The following ATP8B4 variants were observed in gnomAD, a reference collection of about 807,000 sequenced individuals.
The protein encoded by ATP8B4 is probable phospholipid-transporting ATPase IM.
In ATP8B4, 133 loss-of-function variants were observed where a neutral mutation model predicts 145.6. The observed-to-expected ratio is 0.91, with a 90% confidence interval of 0.79 to 1.05. The LOEUF is 1.05. Ranked by LOEUF, ATP8B4 falls within the 50% of genes least tolerant of loss-of-function variation. ATP8B4 has a pLI of 0.00. For synonymous variants in ATP8B4, 507 were observed against 492.9 expected, an observed-to-expected ratio of 1.03 and a Z score of -0.38; for missense variants, 1,458 against 1,425.2, an observed-to-expected ratio of 1.02 and a Z score of -0.37.
In ATP8B4 at chr15:49,879,434, G is replaced by T; in HGVS notation, c.2723C>A (p.Thr908Asn). ...AQTVYDQWFI[T>N]LFNIVYTSLP... ...TGATGTGTAAACAATGTTAAAAAGG[G>T]TGATGAACCACTGGTCATAAACAGT... is the stretch of plus-strand genomic sequence containing the variant. Residue 908 changes from threonine (T) to asparagine (N), a missense_variant, in exon 24 of 28, where the codon ACC becomes AAC. Coordinates refer to ENST00000284509, the MANE Select transcript of ATP8B4 (RefSeq NM_024837.4). 1 of 1,612,032 alleles carries T rather than the reference G, an allele frequency of 6.2e-7. No individual in the cohort carries two copies. The highest frequency in any genetic ancestry group is 8.5e-7 in the Non-Finnish European group (1 of 1,178,632).
chr15:49,928,914 G>A (rs569636145), intron 16 of ATP8B4, among the ~76,000 whole-genome samples: 37 of 152,154 alleles, frequency 2.4e-4, no homozygotes, highest in Non-Finnish European at 4.1e-4. Context: ...TAGTATTTGA[G>A]GATCTATTAG....
At chr15:49,866,711 T>C (rs2032855265) in intron 25 of ATP8B4, among the ~76,000 whole-genome samples, 1 of 152,234 alleles carries the variant, frequency 6.6e-6, no homozygotes, top group Non-Finnish European at 1.5e-5. Context: ...AGCCATTATA[T>C]CTGCCAAGGT....
chr15:49,909,696 T>C (rs79120805), intron 20 of ATP8B4, among the ~76,000 whole-genome samples: 4,348 of 120,946 alleles, frequency 0.036, 93 homozygotes, highest in Middle Eastern at 0.12. Context: ...ACTGAGGAAG[T>C]CACAGACACC....
At chr15:50,029,973 G>A (rs996104592) in intron 6 of ATP8B4, among the ~76,000 whole-genome samples, 2 of 152,128 alleles carry the variant, frequency 1.3e-5, no homozygotes, top group African/African-American at 2.4e-5. Flanking sequence ...AAATTTGCTG[G>A]GAGGAAAAAT....
At chr15:49,869,155 G>A (rs931720504) in intron 25 of ATP8B4, among the ~76,000 whole-genome samples, 4 of 151,952 alleles carry the variant, frequency 2.6e-5, no homozygotes, top group Admixed American at 1.3e-4. Flanking sequence ...CAGGTAATCC[G>A]CCCGCCTCGG....
chr15:49,943,788 T>C (rs929516715), intron 14 of ATP8B4, among the ~76,000 whole-genome samples: 2 of 152,156 alleles, frequency 1.3e-5, no homozygotes, highest in African/African-American at 2.4e-5. Flanking sequence ...ATGAAAGTCA[T>C]TGGTAAAGGT....
chr15:49,960,319 G>A (rs1001641537), intron 14 of ATP8B4, among the ~76,000 whole-genome samples: 5 of 152,108 alleles, frequency 3.3e-5, no homozygotes, highest in Admixed American at 6.5e-5. Context: ...GAGCCACCAC[G>A]CCCAGCCTTT....
At chr15:49,897,606 T>G (rs2037548750) in intron 22 of ATP8B4, 91 bp from the exon 23 acceptor site, 4 of 1,093,190 alleles carry the variant, frequency 3.7e-6, no homozygotes, top group Admixed American at 2.8e-5. Flanking sequence ...ACGGAAAACT[T>G]ACAGCCATTG....
At chr15:49,887,246 C>A (rs774028881) in intron 23 of ATP8B4, among the ~76,000 whole-genome samples, 5 of 152,028 alleles carry the variant, frequency 3.3e-5, no homozygotes, top group Middle Eastern at 3.4e-3. Flanking sequence ...TTTAAGGCCC[C>A]CTTCTGGTGA....
intron 1 of ATP8B4, among the ~76,000 whole-genome samples, chr15:50,112,488 C>T (rs185074610): frequency 9.2e-5 from 14 of 152,146 alleles, no homozygotes; most frequent in African/African-American, 2.2e-4. Context: ...CAATATCTAA[C>T]GTGCCCAACC....
chr15:49,944,349 C>G (rs1375459811), intron 14 of ATP8B4, among the ~76,000 whole-genome samples: 1 of 152,052 alleles, frequency 6.6e-6, no homozygotes, highest in Non-Finnish European at 1.5e-5. Flanking sequence ...TAAGGACACA[C>G]ATAGTCTAAA....
intron 2 of ATP8B4, among the ~76,000 whole-genome samples, chr15:50,076,612 A>G (rs547660492): frequency 1.3e-5 from 2 of 152,346 alleles, no homozygotes; most frequent in South Asian, 4.1e-4. Context: ...ATGGTAGGTC[A>G]GTTTGGATCT....
At chr15:49,900,950 A>G in intron 21 of ATP8B4, 142 bp downstream of exon 21, 1 of 1,104,410 alleles carries the variant, frequency 9.1e-7, no homozygotes, top group East Asian at 2.5e-5. Flanking sequence ...TTCCCTTTGC[A>G]AACAGGAAAT....
At chr15:49,966,877 G>A (rs1180314851) in intron 13 of ATP8B4, among the ~76,000 whole-genome samples, 1 of 152,178 alleles carries the variant, frequency 6.6e-6, no homozygotes. Flanking sequence ...AGTCCTGGCT[G>A]ACATCTGGCA....
intron 5 of ATP8B4, among the ~76,000 whole-genome samples, chr15:50,039,218 A>G (rs1321896110): frequency 2.0e-5 from 3 of 152,236 alleles, no homozygotes; most frequent in African/African-American, 7.2e-5. Context: ...GCTTTATTAG[A>G]ACATCATTCT....
intron 15 of ATP8B4, among the ~76,000 whole-genome samples, chr15:49,932,782 G>A (rs1361202451): frequency 1.3e-5 from 2 of 152,012 alleles, no homozygotes; most frequent in African/African-American, 2.4e-5. Flanking sequence ...AGAGTCCAGT[G>A]AAAGATGGCC....
At position 49,934,000 on chromosome 15, in the gene ATP8B4, C is replaced by T. The variant is rs1051743714; in HGVS notation, c.1453+17G>A. The T allele has an allele frequency of 2.7e-5, 42 of 1,529,750 alleles. No individual in the cohort carries two copies. Among genetic ancestry groups the T allele is most frequent in the Non-Finnish European group, 3.5e-5 (40 of 1,137,960 alleles). 94.8% of individuals were successfully genotyped at this position (1,529,750 alleles called of 1,614,324 possible). A position where few individuals can be genotyped will look rare whatever the true frequency, so the allele number is the denominator to read the frequency against. Reference sequence around the variant, plus strand: ...ACAAAAACAAGGTTCACCACTCAGACATAACTTTTCACTTACCTGCGCTAT... The same window carrying T: ...ACAAAAACAAGGTTCACCACTCAGATATAACTTTTCACTTACCTGCGCTAT... On this transcript the variant is annotated intron_variant, in intron 15 of 27. Coordinates refer to ENST00000284509, the MANE Select transcript of ATP8B4 (RefSeq NM_024837.4).
At chr15:50,164,627 G>T (rs1041842737) in intron 1 of ATP8B4, among the ~76,000 whole-genome samples, 1 of 152,206 alleles carries the variant, frequency 6.6e-6, no homozygotes, top group African/African-American at 2.4e-5. Flanking sequence ...CAGGTCATGT[G>T]TACCCAAAGT....
chr15:49,954,905 A>G (rs1206947257), intron 14 of ATP8B4, among the ~76,000 whole-genome samples: 2 of 152,222 alleles, frequency 1.3e-5, no homozygotes, highest in Admixed American at 1.3e-4. Context: ...CATAACAGCA[A>G]AAAACATAGA....
Sources: gnomAD v4.1 joint callset for allele counts (sites outside exome capture counted in the v4.1 genomes callset) on GRCh38, gnomAD v4.1.1 for gene constraint, MANE v1.5 for transcripts, NCBI Gene and HGNC (gene_info 2026-07-23, HGNC 2026-07-21) for gene names.